Variants in RNLS observed in about 807,000 individuals in gnomAD.
The protein encoded by RNLS is renalase, FAD dependent amine oxidase, also known as renalase.
In RNLS, 39 loss-of-function variants were observed where a neutral mutation model predicts 39.8. That is an observed-to-expected ratio of 0.98 (90% CI 0.76 to 1.28). RNLS has a LOEUF of 1.28. Ranked by LOEUF, RNLS falls within the 50% of genes most tolerant of loss-of-function variation. The pLI, the probability that RNLS is intolerant of heterozygous loss-of-function variation, is 0.00. For synonymous variants in RNLS, 147 were observed against 150.7 expected (o/e 0.98, Z 0.18); for missense variants, 410 against 413.3 (o/e 0.99, Z 0.07).
intron 5 of RNLS, among the ~76,000 whole-genome samples, chr10:88,355,830 C>G (rs1564725256): frequency 6.6e-6 from 1 of 152,250 alleles, no homozygotes; most frequent in Non-Finnish European, 1.5e-5. Context: ...CAGAGGCAGG[C>G]AGGCCTCCTT....
At chr10:88,236,737 G>GCCTGTGC in the RNLS span, among the ~76,000 whole-genome samples, 7 of 152,180 alleles carry the variant, frequency 4.6e-5, no homozygotes, top group African/African-American at 1.7e-4. Context: ...CCAGGCCTGT[G>GCCTGTGC]CAGATAAAGC....
At chr10:88,323,882 AAAAAC>A (rs751460364) in intron 5 of RNLS, among the ~76,000 whole-genome samples, 8 of 152,174 alleles carry the variant, frequency 5.3e-5, no homozygotes, top group African/African-American at 1.7e-4. Context: ...AATCAACAAG[AAAAAC>A]AAAACAAAAC....
intron 6 of RNLS, among the ~76,000 whole-genome samples, chr10:88,306,473 A>G (rs180989977): frequency 9.2e-5 from 14 of 152,244 alleles, no homozygotes. Context: ...CCAAATAAAC[A>G]CAATACGAAA....
At chr10:88,501,606 T>TA (rs758201744) in intron 4 of RNLS, among the ~76,000 whole-genome samples, 57 of 152,270 alleles carry the variant, frequency 3.7e-4, no homozygotes, top group Middle Eastern at 3.4e-3. Flanking sequence ...CGGATACATT[T>TA]AAGTGAGTTG....
At chr10:88,234,191 A>G in the RNLS span, among the ~76,000 whole-genome samples, 1 of 151,614 alleles carries the variant, frequency 6.6e-6, no homozygotes, top group East Asian at 1.9e-4. Flanking sequence ...GACGGAAAAG[A>G]GGAAGAGAGA....
chr10:88,454,144 A>T (rs1456857186), intron 4 of RNLS, among the ~76,000 whole-genome samples: 2 of 152,250 alleles, frequency 1.3e-5, no homozygotes, highest in Non-Finnish European at 2.9e-5. Context: ...GAAAGAGTCC[A>T]TGAAAGAATG....
the RNLS span, among the ~76,000 whole-genome samples, chr10:88,192,510 G>A: frequency 1.3e-4 from 20 of 152,204 alleles, no homozygotes; most frequent in Non-Finnish European, 1.5e-4. Context: ...CATCCCATGC[G>A]GGGGAATTTT....
chr10:88,287,077 C>T (rs1360050733), intron 6 of RNLS, among the ~76,000 whole-genome samples: 1 of 152,104 alleles, frequency 6.6e-6, no homozygotes, highest in East Asian at 1.9e-4. Flanking sequence ...GCATAAGCCA[C>T]CATGCCTGGC....
the RNLS span, among the ~76,000 whole-genome samples, chr10:88,225,089 T>G: frequency 6.6e-6 from 1 of 152,218 alleles, no homozygotes; most frequent in Non-Finnish European, 1.5e-5. Flanking sequence ...TATTTGGATT[T>G]AATTTTCATT....
intron 6 of RNLS, among the ~76,000 whole-genome samples, chr10:88,290,480 G>A (rs118177025): frequency 6.6e-6 from 1 of 152,098 alleles, no homozygotes; most frequent in Non-Finnish European, 1.5e-5. Context: ...CACCATGAAT[G>A]CAAATTATGC....
chr10:88,581,307 T>C (rs2134503790), intron 3 of RNLS, among the ~76,000 whole-genome samples: 1 of 147,880 alleles, frequency 6.8e-6, no homozygotes, highest in Non-Finnish European at 1.5e-5. Flanking sequence ...TATATATATA[T>C]ATATATATAC....
At chr10:88,189,947 T>A in the RNLS span, among the ~76,000 whole-genome samples, 16 of 152,182 alleles carry the variant, frequency 1.1e-4, no homozygotes, top group Admixed American at 1.0e-3. Flanking sequence ...CCCTTCAGCA[T>A]CCGCCCTTCG....
At chr10:88,377,453 A>G (rs1422502665) in intron 4 of RNLS, among the ~76,000 whole-genome samples, 2 of 152,180 alleles carry the variant, frequency 1.3e-5, no homozygotes, top group Non-Finnish European at 2.9e-5. Flanking sequence ...GAGAGTACTT[A>G]CACAAATGTA....
chr10:88,269,517 C>T (rs1842592040), downstream of RNLS, among the ~76,000 whole-genome samples: 1 of 152,172 alleles, frequency 6.6e-6, no homozygotes, highest in Admixed American at 6.5e-5. Context: ...TAGGGCCTGG[C>T]CTAACTGACT....
At chr10:88,544,533 C>A (rs1348713487) in intron 4 of RNLS, among the ~76,000 whole-genome samples, 2 of 152,118 alleles carry the variant, frequency 1.3e-5, no homozygotes, top group African/African-American at 4.8e-5. Flanking sequence ...TAAAGTAGGT[C>A]TAATTATTTG....
intron 4 of RNLS, among the ~76,000 whole-genome samples, chr10:88,387,097 C>T (rs1192748990): frequency 6.6e-6 from 1 of 152,180 alleles, no homozygotes; most frequent in Non-Finnish European, 1.5e-5. Flanking sequence ...CATGGAATAG[C>T]TGTCCTCTAT....
chr10:88,380,317 A>G (rs1214355587), intron 4 of RNLS, among the ~76,000 whole-genome samples: 3 of 121,744 alleles, frequency 2.5e-5, no homozygotes, highest in African/African-American at 8.9e-5. Flanking sequence ...TTTGAGTTTT[A>G]TGTATCCGTT....
intron 4 of RNLS, among the ~76,000 whole-genome samples, chr10:88,558,951 T>C (rs1849017858): frequency 6.6e-6 from 1 of 152,118 alleles, no homozygotes; most frequent in South Asian, 2.1e-4. Context: ...CCCCCTCCTA[T>C]GGAGATGGTC....
chr10:88,422,276 T>C lies in RNLS; in HGVS notation c.527-59551A>G, dbSNP rs374458011. On this transcript the variant is annotated intron_variant, in intron 4 of 6. Transcript: ENST00000331772. ...AACACTGCCTTATTCAGTGCACTTA[T>C]GCTTTAAAAACCATTTTATATGGAA... is the stretch of plus-strand genomic sequence containing the variant. 3.9e-5 allele frequency among the ~76,000 whole-genome samples: 6 copies of C among 152,358 alleles called. No homozygotes were observed. The South Asian group carries it at 1.2e-3, about 32-fold the overall frequency.
Sources: gnomAD v4.1 joint callset for allele counts (sites outside exome capture counted in the v4.1 genomes callset) on GRCh38, gnomAD v4.1.1 for gene constraint, MANE v1.5 for transcripts, NCBI Gene and HGNC (gene_info 2026-07-23, HGNC 2026-07-21) for gene names.